The following TIAM1 variants were observed in gnomAD, a reference collection of about 807,000 sequenced individuals.
The protein encoded by TIAM1 is TIAM Rac1 associated GEF 1, also known as rho guanine nucleotide exchange factor TIAM1.
A neutral mutation model predicts 163.5 loss-of-function variants in TIAM1; 65 were observed. That is an observed-to-expected ratio of 0.40 (90% CI 0.33 to 0.49). The LOEUF (loss-of-function observed/expected upper bound fraction) is 0.49, where lower values mean the gene tolerates loss of function less well. TIAM1 is among the 20% of genes least tolerant of loss of function. The pLI is 0.77. For synonymous variants in TIAM1, 833 were observed against 810.1 expected, an observed-to-expected ratio of 1.03 and a Z score of -0.48; for missense variants, 1,789 against 2,044.7, an observed-to-expected ratio of 0.87 and a Z score of 2.41.
intron 2 of TIAM1, among the ~76,000 whole-genome samples, chr21:31,394,687 TTCTCTCTCTC>T (rs539349529): frequency 9.6e-6 from 1 of 103,958 alleles, no homozygotes; most frequent in Non-Finnish European, 2.0e-5. Context: ...AATCTACTCA[TTCTCTCTCTC>T]TCTCTCTCTC....
At chr21:31,257,182 T>C (rs1295203831) in intron 4 of TIAM1, among the ~76,000 whole-genome samples, 1 of 152,242 alleles carries the variant, frequency 6.6e-6, no homozygotes, top group African/African-American at 2.4e-5. Flanking sequence ...CATCCCTGAT[T>C]TGCCAGAATA....
intron 2 of TIAM1, among the ~76,000 whole-genome samples, chr21:31,411,864 A>G (rs1025953340): frequency 1.3e-5 from 2 of 148,158 alleles, no homozygotes; most frequent in Non-Finnish European, 3.0e-5. Context: ...TATCAAGTGT[A>G]AGAACGTATG....
intron 2 of TIAM1, among the ~76,000 whole-genome samples, chr21:31,303,187 T>TA (rs1223103860): frequency 6.6e-6 from 1 of 152,086 alleles, no homozygotes; most frequent in Non-Finnish European, 1.5e-5. Context: ...AACAGGACAT[T>TA]AAAAAAAGTA....
At chr21:31,153,493 G>A (rs529188732) in intron 17 of TIAM1, among the ~76,000 whole-genome samples, 25 of 152,222 alleles carry the variant, frequency 1.6e-4, no homozygotes, top group Non-Finnish European at 2.9e-4. Flanking sequence ...CCTGAGAGCC[G>A]TCGTTTGCTA....
intron 2 of TIAM1, among the ~76,000 whole-genome samples, chr21:31,312,881 A>G (rs1426372426): frequency 1.3e-5 from 2 of 152,258 alleles, no homozygotes; most frequent in Non-Finnish European, 2.9e-5. Context: ...GAAAATAGGA[A>G]AAAAGGCGAA....
chr21:31,177,490 C>A (rs1417839526), intron 15 of TIAM1, among the ~76,000 whole-genome samples: 1 of 152,108 alleles, frequency 6.6e-6, no homozygotes, highest in African/African-American at 2.4e-5. Flanking sequence ...GCCTGTAATC[C>A]CGGCTATTTG....
intron 2 of TIAM1, among the ~76,000 whole-genome samples, chr21:31,380,926 C>T (rs2076768923): frequency 6.6e-6 from 1 of 152,190 alleles, no homozygotes; most frequent in African/African-American, 2.4e-5. Context: ...CTGGGATCCT[C>T]CCCCAAGCCC....
intron 15 of TIAM1, among the ~76,000 whole-genome samples, chr21:31,167,558 T>TG (rs1043878429): frequency 1.3e-5 from 2 of 152,080 alleles, no homozygotes; most frequent in African/African-American, 4.8e-5. Flanking sequence ...ATAAAGGAAG[T>TG]GGGGTAGTGT....
At chr21:31,552,181 C>T (rs2048715454) in intron 1 of TIAM1, among the ~76,000 whole-genome samples, 2 of 150,998 alleles carry the variant, frequency 1.3e-5, no homozygotes, top group East Asian at 3.9e-4. Flanking sequence ...CCTCAGCCTC[C>T]TGAGTAGCTG....
intron 2 of TIAM1, among the ~76,000 whole-genome samples, chr21:31,413,127 C>T (rs959477689): frequency 3.9e-5 from 6 of 152,104 alleles, no homozygotes; most frequent in Non-Finnish European, 5.9e-5. Flanking sequence ...AAAATAATAT[C>T]GTAATTCTCC....
rs529155227 is a variant in TIAM1, at chr21:31,326,292, T to G, written c.-189+12951A>C. Among the ~76,000 whole-genome samples the G allele has an allele frequency of 8.5e-5, 13 of 152,336 alleles. 1 individual carries two copies. In the East Asian group the frequency reaches 2.5e-3, roughly 29 times the overall value. The stretch of plus-strand genomic sequence containing the variant: ...ATCAAAGTTATGGTCCTCTCCTGTC[T>G]TCCTGTTGTCCCAGCTCACCTGAGA... On this transcript the variant is annotated intron_variant, in intron 2 of 27. Transcript: ENST00000541036.
intron 16 of TIAM1, among the ~76,000 whole-genome samples, chr21:31,161,995 T>C (rs1326932400): frequency 6.6e-6 from 1 of 152,190 alleles, no homozygotes; most frequent in Non-Finnish European, 1.5e-5. Flanking sequence ...TATGGCTGTA[T>C]ATATAAATGG....
At chr21:31,463,812 C>A (rs1165289030) in intron 2 of TIAM1, among the ~76,000 whole-genome samples, 155 of 130,566 alleles carry the variant, frequency 1.2e-3, no homozygotes, top group African/African-American at 1.1e-3. Context: ...GCTCCGTCTC[C>A]AAAAAAAAAA....
chr21:31,122,969 T>C (rs1391733623), intron 27 of TIAM1, among the ~76,000 whole-genome samples: 2 of 152,222 alleles, frequency 1.3e-5, no homozygotes, highest in Non-Finnish European at 2.9e-5. Flanking sequence ...GATAGTGAGA[T>C]GCCTCCAAAC....
intron 20 of TIAM1, among the ~76,000 whole-genome samples, chr21:31,146,403 CAAAAAAAAAAAA>C (rs10542614): frequency 1.1e-5 from 1 of 89,918 alleles, no homozygotes; most frequent in East Asian, 3.5e-4. Context: ...GGCTCTGTGT[CAAAAAAAAAAAA>C]AAAAAAAAAA....
intron 1 of TIAM1, among the ~76,000 whole-genome samples, chr21:31,550,549 A>G (rs1281828395): frequency 6.6e-6 from 1 of 152,208 alleles, no homozygotes; most frequent in Non-Finnish European, 1.5e-5. Context: ...AAAGTGTCCT[A>G]AAATCGACTG....
intron 2 of TIAM1, among the ~76,000 whole-genome samples, chr21:31,383,239 C>CA (rs964142647): frequency 3.0e-4 from 43 of 145,646 alleles, no homozygotes; most frequent in South Asian, 1.1e-3. Context: ...GACTCCCTCT[C>CA]AAAAAAAAAA....
intron 23 of TIAM1, among the ~76,000 whole-genome samples, chr21:31,133,377 T>C (rs534663810): frequency 6.6e-6 from 1 of 152,336 alleles, no homozygotes; most frequent in East Asian, 1.9e-4. Flanking sequence ...CTATTGAGTT[T>C]GCTGACAGTG....
chr21:31,486,247 G>A lies in TIAM1; in HGVS notation c.-421-22212C>T, dbSNP rs141581280. 3.6e-3 allele frequency among the ~76,000 whole-genome samples: 555 copies of A among 152,314 alleles called. 4 individuals carry two copies. Among genetic ancestry groups the A allele is most frequent in the African/African-American group, 0.012 (516 of 41,570 alleles). On this transcript the variant is annotated intron_variant, in intron 1 of 28. Transcript: ENST00000286827. The stretch of plus-strand genomic sequence containing the variant: ...TGGAACGCAGGACACTTTCCACTCT[G>A]GATCATCCTGGGGAAAAAATGAAAA...
Sources: gnomAD v4.1 joint callset for allele counts (sites outside exome capture counted in the v4.1 genomes callset) on GRCh38, gnomAD v4.1.1 for gene constraint, MANE v1.5 for transcripts, NCBI Gene and HGNC (gene_info 2026-07-23, HGNC 2026-07-21) for gene names.